SLX4IP: variants seen among roughly 807,000 people sequenced by gnomAD.
SLX4IP encodes SLX4 interacting protein, also known as protein SLX4IP.
In SLX4IP, 34 loss-of-function variants were observed where a neutral mutation model predicts 32.9. The ratio of observed to expected loss-of-function variants is 1.03; its 90% confidence interval spans 0.79 to 1.38. SLX4IP has a LOEUF of 1.38. Ranked by LOEUF, SLX4IP falls within the 40% of genes most tolerant of loss-of-function variation. SLX4IP has a pLI of 0.00. For missense variants in SLX4IP, 444 were observed against 479.0 expected, an observed-to-expected ratio of 0.93 and a Z score of 0.68; for synonymous variants, 172 against 171.7, an observed-to-expected ratio of 1.00 and a Z score of -0.01.
At chr20:10,532,639 T>C (rs1232785775) in intron 2 of SLX4IP, among the ~76,000 whole-genome samples, 2 of 152,164 alleles carry the variant, frequency 1.3e-5, no homozygotes, top group Non-Finnish European at 1.5e-5. Flanking sequence ...ACCAGTGTCT[T>C]AAATAGGGGT....
At chr20:10,606,105 CAAATA>C (rs2066902405) in intron 6 of SLX4IP, among the ~76,000 whole-genome samples, 1 of 151,918 alleles carries the variant, frequency 6.6e-6, no homozygotes, top group Admixed American at 6.6e-5. Context: ...TTGGAGGAAG[CAAATA>C]AAACTGTAGC....
intron 4 of SLX4IP, among the ~76,000 whole-genome samples, chr20:10,590,681 C>T (rs1043789602): frequency 1.4e-4 from 21 of 152,058 alleles, no homozygotes; most frequent in Admixed American, 1.0e-3. Flanking sequence ...AATGTCAGAC[C>T]TAAGAGTCAG....
chr20:10,491,121 C>T (rs2122396570), intron 2 of SLX4IP, among the ~76,000 whole-genome samples: 1 of 151,600 alleles, frequency 6.6e-6, no homozygotes, highest in South Asian at 2.1e-4. Flanking sequence ...TCTTGTCTTG[C>T]TTTGTCACTT....
At chr20:10,449,178 T>A (rs568541424) in intron 1 of SLX4IP, among the ~76,000 whole-genome samples, 10 of 152,330 alleles carry the variant, frequency 6.6e-5, no homozygotes, top group Admixed American at 5.9e-4. Flanking sequence ...CTTTAGCAAA[T>A]ATGCAAGCTC....
chr20:10,567,617 TAA>T (rs1220258200), intron 4 of SLX4IP, among the ~76,000 whole-genome samples: 2 of 152,238 alleles, frequency 1.3e-5, no homozygotes, highest in African/African-American at 4.8e-5. Flanking sequence ...CACAATAGAC[TAA>T]GACAGGGCTC....
chr20:10,520,770 GTTTTC>G (rs1208591577), intron 2 of SLX4IP, among the ~76,000 whole-genome samples: 11 of 152,154 alleles, frequency 7.2e-5, no homozygotes, highest in Admixed American at 5.9e-4. Context: ...ATGAACATAT[GTTTTC>G]TTTTCTTTCC....
rs58299545 is a variant in SLX4IP at position 10,493,859 on chromosome 20, C to CTTTTTTTTTTTTTTT, written c.27+35636_27+35650dup. 6.2e-4 allele frequency among the ~76,000 whole-genome samples: 44 copies of CTTTTTTTTTTTTTTT among 70,540 alleles called. 2 individuals carry two copies. Among genetic ancestry groups the CTTTTTTTTTTTTTTT allele is most frequent in the African/African-American group, 6.3e-4 (11 of 17,344 alleles). 46.3% of individuals were successfully genotyped at this position (70,540 alleles called of 152,430 possible). A position where few individuals can be genotyped will look rare whatever the true frequency, so the allele number is the denominator to read the frequency against. ...ACTGAAGTGTTTTTTTTATAGTTGC[C>CTTTTTTTTTTTTTTT]TTTTTTTTTTTTTTTTTTTTTTGAG... On this transcript the variant is annotated intron_variant, in intron 2 of 7. Coordinates refer to ENST00000334534, the MANE Select transcript of SLX4IP (RefSeq NM_001009608.3).
chr20:10,440,760 CT>C (rs993170145), intron 1 of SLX4IP, among the ~76,000 whole-genome samples: 14 of 151,692 alleles, frequency 9.2e-5, no homozygotes, highest in Non-Finnish European at 1.3e-4. Context: ...ATTATCAGAA[CT>C]TTTTTTTTCT....
chr20:10,604,587 T>C (rs1040790627), intron 6 of SLX4IP, among the ~76,000 whole-genome samples: 2 of 152,252 alleles, frequency 1.3e-5, no homozygotes, highest in Middle Eastern at 3.4e-3. Flanking sequence ...ACAAAGGGAG[T>C]AATCCCCCTC....
Position 10,527,245 on chromosome 20 carries a change from G to A in SLX4IP, c.28-28986G>A, listed in dbSNP as rs555637069. On this transcript the variant is annotated intron_variant, in intron 2 of 7. Transcript: ENST00000334534. ...ACAGTTCTGCCAGAAAAGCCAGCTC[G>A]CCCATGAGGGTCCTAACTTATTATT... 7.1e-4 allele frequency among the ~76,000 whole-genome samples: 108 copies of A among 152,278 alleles called. 1 individual carries two copies. Among genetic ancestry groups the A allele is most frequent in the African/African-American group, 2.6e-3 (107 of 41,550 alleles).
chr20:10,516,514 T>C (rs1273723634), intron 2 of SLX4IP, among the ~76,000 whole-genome samples: 2 of 152,226 alleles, frequency 1.3e-5, no homozygotes, highest in Non-Finnish European at 2.9e-5. Context: ...TTGGCAGCAC[T>C]GAGGAATGAG....
chr20:10,459,474 C>T (rs554448548), intron 2 of SLX4IP, among the ~76,000 whole-genome samples: 5 of 152,234 alleles, frequency 3.3e-5, no homozygotes, highest in Admixed American at 6.5e-5. Context: ...GAGAATGAGA[C>T]GGCGGAGAAA....
intron 2 of SLX4IP, among the ~76,000 whole-genome samples, chr20:10,551,606 G>A (rs966974023): frequency 1.3e-5 from 2 of 152,188 alleles, no homozygotes; most frequent in Non-Finnish European, 2.9e-5. Flanking sequence ...AGCCTAGGAT[G>A]GGGGCCCTAC....
chr20:10,590,607 C>T (rs548493557), intron 4 of SLX4IP, among the ~76,000 whole-genome samples: 22 of 152,200 alleles, frequency 1.4e-4, no homozygotes, highest in Admixed American at 1.3e-3. Context: ...GCATTCCACT[C>T]GCCTCAGCCT....
At chr20:10,554,463 A>G (rs1423073904) in intron 2 of SLX4IP, among the ~76,000 whole-genome samples, 2 of 152,236 alleles carry the variant, frequency 1.3e-5, no homozygotes, top group Admixed American at 6.5e-5. Flanking sequence ...GGAAGGAATC[A>G]TTGGCTCAGT....
intron 2 of SLX4IP, among the ~76,000 whole-genome samples, chr20:10,499,506 G>A (rs1342270475): frequency 6.6e-6 from 1 of 152,152 alleles, no homozygotes; most frequent in Non-Finnish European, 1.5e-5. Context: ...GTTATTGCTT[G>A]AAAAACAGTG....
intron 2 of SLX4IP, among the ~76,000 whole-genome samples, chr20:10,497,670 A>C (rs1203768553): frequency 6.6e-6 from 1 of 151,886 alleles, no homozygotes; most frequent in East Asian, 1.9e-4. Context: ...ATTTCTTTAA[A>C]CTTCTTAAAT....
rs567918178 is a variant in SLX4IP at position 10,493,790 on chromosome 20, T to A, written c.27+35559T>A. Among the ~76,000 whole-genome samples the A allele has an allele frequency of 3.9e-5, 6 of 152,004 alleles. No homozygotes were observed. In the South Asian group the frequency reaches 1.0e-3, roughly 26 times the overall value. On this transcript the variant is annotated intron_variant, in intron 2 of 7. Transcript: ENST00000334534. ...TTAGATGAAAAATGTTTCCTACTGG[T>A]CTACTTTGCAACTATGTTGTCTTGA...
intron 2 of SLX4IP, among the ~76,000 whole-genome samples, chr20:10,531,202 A>G (rs2065986159): frequency 6.6e-6 from 1 of 152,196 alleles, no homozygotes; most frequent in Non-Finnish European, 1.5e-5. Flanking sequence ...CTGTGGGATC[A>G]GACCCTCACC....
Sources: gnomAD v4.1 joint callset for allele counts (sites outside exome capture counted in the v4.1 genomes callset) on GRCh38, gnomAD v4.1.1 for gene constraint, MANE v1.5 for transcripts, NCBI Gene and HGNC (gene_info 2026-07-23, HGNC 2026-07-21) for gene names.